The following NKAIN3 variants were observed in gnomAD, a reference collection of about 807,000 sequenced individuals.
NKAIN3 encodes sodium/potassium-transporting ATPase subunit beta-1-interacting protein 3.
NKAIN3 carries 25 observed loss-of-function variants against 30.2 expected under a neutral mutation model. That is an observed-to-expected ratio of 0.83 (90% CI 0.60 to 1.16). The LOEUF (loss-of-function observed/expected upper bound fraction) is 1.16. NKAIN3 is among the 50% of genes most tolerant of loss of function. NKAIN3 has a pLI of 0.00. For synonymous variants in NKAIN3, 91 were observed against 89.6 expected (o/e 1.02, Z -0.09); for missense variants, 225 against 254.1 (o/e 0.89, Z 0.78).
chr8:62,986,511 C>T (rs994422165), downstream of NKAIN3, among the ~76,000 whole-genome samples: 8 of 152,100 alleles, frequency 5.3e-5, no homozygotes, highest in Admixed American at 3.9e-4. Flanking sequence ...ACATGGTGCC[C>T]TCCCTACCAA....
At chr8:62,485,182 C>T (rs2129601185) in intron 1 of NKAIN3, among the ~76,000 whole-genome samples, 1 of 151,960 alleles carries the variant, frequency 6.6e-6, no homozygotes, top group South Asian at 2.1e-4. Context: ...TTTCTGTCCT[C>T]ACAGCATCAC....
At chr8:62,521,274 C>T (rs953533367) in intron 1 of NKAIN3, among the ~76,000 whole-genome samples, 35 of 152,138 alleles carry the variant, frequency 2.3e-4, no homozygotes, top group African/African-American at 7.7e-4. Flanking sequence ...GCCACACTGC[C>T]AGCTGTTTCC....
chr8:62,406,934 T>A (rs894202213), intron 1 of NKAIN3, among the ~76,000 whole-genome samples: 20 of 152,226 alleles, frequency 1.3e-4, no homozygotes, highest in Non-Finnish European at 2.8e-4. Flanking sequence ...TTGTTTCAGT[T>A]GTAAACAAGA....
chr8:62,813,643 CT>C (rs1307045882), intron 4 of NKAIN3, among the ~76,000 whole-genome samples: 6 of 151,612 alleles, frequency 4.0e-5, no homozygotes, highest in Non-Finnish European at 8.8e-5. Flanking sequence ...TTTATATACT[CT>C]TTGTTCCTTT....
At chr8:62,868,739 A>T (rs1464974418) in intron 4 of NKAIN3, among the ~76,000 whole-genome samples, 1 of 152,190 alleles carries the variant, frequency 6.6e-6, no homozygotes, top group Non-Finnish European at 1.5e-5. Flanking sequence ...ATAAACCCTG[A>T]TAAGCTCAGT....
chr8:62,527,883 G>A (rs910851871), intron 1 of NKAIN3, among the ~76,000 whole-genome samples: 2 of 14,434 alleles, frequency 1.4e-4, no homozygotes, highest in Non-Finnish European at 3.9e-4. Flanking sequence ...CTTTTTTTTG[G>A]TGTGTGTGTG....
At chr8:62,722,777 A>C (rs938975284) in intron 3 of NKAIN3, among the ~76,000 whole-genome samples, 1 of 152,126 alleles carries the variant, frequency 6.6e-6, no homozygotes, top group Non-Finnish European at 1.5e-5. Flanking sequence ...TGTATGGAAC[A>C]CTCATGACTC....
chr8:62,297,554 C>G (rs1161547814), intron 1 of NKAIN3, among the ~76,000 whole-genome samples: 2 of 151,820 alleles, frequency 1.3e-5, no homozygotes, highest in African/African-American at 2.4e-5. Flanking sequence ...TTTATGCAGC[C>G]AAAAAACACA....
At chr8:62,814,730 C>T (rs1438317315) in intron 4 of NKAIN3, among the ~76,000 whole-genome samples, 2 of 151,922 alleles carry the variant, frequency 1.3e-5, no homozygotes, top group Admixed American at 6.6e-5. Context: ...ACATTCAAAG[C>T]AGTGTGTAGA....
At chr8:62,843,453 C>T (rs1295932628) in intron 4 of NKAIN3, among the ~76,000 whole-genome samples, 1 of 151,948 alleles carries the variant, frequency 6.6e-6, no homozygotes, top group Admixed American at 6.6e-5. Flanking sequence ...TCTCCTGCCT[C>T]AGCTTCCCAA....
intron 1 of NKAIN3, among the ~76,000 whole-genome samples, chr8:62,475,681 C>G (rs1806495785): frequency 6.6e-6 from 1 of 152,138 alleles, no homozygotes; most frequent in Non-Finnish European, 1.5e-5. Flanking sequence ...TAACAAGATC[C>G]TACAAGTGAT....
At chr8:62,614,112 G>C (rs1207559056) in intron 3 of NKAIN3, among the ~76,000 whole-genome samples, 1 of 151,948 alleles carries the variant, frequency 6.6e-6, no homozygotes, top group Non-Finnish European at 1.5e-5. Context: ...TGAGGAGTTA[G>C]GTATTTATCA....
rs115438451 is a variant in NKAIN3 at position 62,920,124 on chromosome 8, G to A, written c.532+1611G>A. Among the ~76,000 whole-genome samples the A allele has an allele frequency of 3.0e-3, 456 of 152,264 alleles. 3 individuals carry two copies. Among genetic ancestry groups the A allele is most frequent in the African/African-American group, 0.011 (441 of 41,548 alleles). ...AGGCTGCACAGCCAAAAAACAGTTG[G>A]TTGAGCATGAACAATATTAACTGGA... On this transcript the variant is annotated intron_variant, in intron 5 of 6. Transcript: ENST00000623646.
chr8:62,634,287 T>C (rs1294403935), intron 3 of NKAIN3, among the ~76,000 whole-genome samples: 1 of 151,986 alleles, frequency 6.6e-6, no homozygotes, highest in Non-Finnish European at 1.5e-5. Flanking sequence ...CCATCATGAG[T>C]GCCTAAGCGA....
chr8:62,921,922 A>G (rs892323123), intron 5 of NKAIN3, among the ~76,000 whole-genome samples: 2 of 152,218 alleles, frequency 1.3e-5, no homozygotes, highest in Admixed American at 6.5e-5. Context: ...ACTTGTATCA[A>G]TACTGCCAGG....
intron 1 of NKAIN3, among the ~76,000 whole-genome samples, chr8:62,362,295 A>C (rs1336021965): frequency 6.6e-6 from 1 of 150,652 alleles, no homozygotes; most frequent in Non-Finnish European, 1.5e-5. Flanking sequence ...TGCATAGCTC[A>C]AATGGTCATA....
At chr8:62,339,745 T>G (rs772943571) in intron 1 of NKAIN3, among the ~76,000 whole-genome samples, 1 of 152,040 alleles carries the variant, frequency 6.6e-6, no homozygotes, top group Non-Finnish European at 1.5e-5. Context: ...ATGTGTTTAT[T>G]TACATGCTCT....
intron 1 of NKAIN3, among the ~76,000 whole-genome samples, chr8:62,489,166 G>A (rs577404566): frequency 1.5e-3 from 227 of 148,916 alleles, no homozygotes; most frequent in African/African-American, 4.0e-3. Flanking sequence ...ACAGGTGCCC[G>A]CCACCACACC....
At chr8:62,654,733 A>C (rs1812718226) in intron 3 of NKAIN3, among the ~76,000 whole-genome samples, 1 of 152,168 alleles carries the variant, frequency 6.6e-6, no homozygotes, top group African/African-American at 2.4e-5. Context: ...AGATTTTCAA[A>C]AATTTACCAC....
Sources: allele counts gnomAD v4.1 joint callset (sites outside exome capture counted in the v4.1 genomes callset), GRCh38; gene constraint gnomAD v4.1.1; transcripts MANE v1.5; gene names NCBI Gene and HGNC (gene_info 2026-07-23, HGNC 2026-07-21).